The following ZNF253 variants were observed in gnomAD, a reference collection of about 807,000 sequenced individuals.
ZNF253 encodes DNA-binding protein.
ZNF253 carries 8 observed loss-of-function variants against 11.9 expected under a neutral mutation model. That is an observed-to-expected ratio of 0.67 (90% CI 0.40 to 1.22). The LOEUF (loss-of-function observed/expected upper bound fraction) is 1.22. Ranked by LOEUF, ZNF253 falls within the 50% of genes most tolerant of loss-of-function variation. ZNF253 has a pLI of 0.01. For synonymous variants in ZNF253, 194 were observed against 194.9 expected (o/e 1.00, Z 0.04); for missense variants, 485 against 586.9 (o/e 0.83, Z 1.79).
Position 19,892,498 on chromosome 19 carries a change from T to G in ZNF253, c.1251T>G (p.Thr417=), listed in dbSNP as rs1159095528. ...WPSILSKHKR[T]HTGEKPYKCE... Reference sequence around the variant, plus strand: ...CAATCCTCTCCAAACATAAAAGAACTCATACTGGAGAGAAACCCTACAAAT... The same window carrying G: ...CAATCCTCTCCAAACATAAAAGAACGCATACTGGAGAGAAACCCTACAAAT... The change falls in exon 4 of 4, where the codon ACT becomes ACG. Residue 417 remains threonine, a synonymous_variant. Transcript: ENST00000589717. The G allele has an allele frequency of 6.2e-7, 1 of 1,613,612 alleles. No individual in the cohort carries two copies. The highest frequency in any genetic ancestry group is 1.3e-5 in the African/African-American group (1 of 74,796).
intron 3 of ZNF253, among the ~76,000 whole-genome samples, chr19:19,888,057 A>T (rs751680648): frequency 6.6e-6 from 1 of 151,858 alleles, no homozygotes; most frequent in African/African-American, 2.4e-5. Flanking sequence ...TACTAATGTT[A>T]TCTATTTATT....
chr19:19,880,003 A>G, intron 2 of ZNF253, 48 bp from the exon 3 acceptor site: 1 of 1,368,922 alleles, frequency 7.3e-7, no homozygotes, highest in Non-Finnish European at 1.0e-6. Context: ...CTAGCTTGTA[A>G]TGGGAGTATA....
intron 3 of ZNF253, among the ~76,000 whole-genome samples, chr19:19,880,846 C>A (rs996755079): frequency 3.3e-5 from 5 of 150,218 alleles, no homozygotes; most frequent in African/African-American, 1.2e-4. Context: ...GTCTGAAATG[C>A]GTGAGAGTAT....
intron 1 of ZNF253, among the ~76,000 whole-genome samples, chr19:19,868,419 A>G (rs1189353379): frequency 6.6e-6 from 1 of 152,158 alleles, no homozygotes; most frequent in Non-Finnish European, 1.5e-5. Flanking sequence ...AGTGCTAGCT[A>G]GTTATTCCAG....
chr19:19,881,541 C>T (rs947557590), intron 3 of ZNF253, among the ~76,000 whole-genome samples: 1 of 151,180 alleles, frequency 6.6e-6, no homozygotes, highest in African/African-American at 2.4e-5. Flanking sequence ...CCCAGCAACT[C>T]GTTAGGCTGA....
chr19:19,888,774 G>A (rs2063216813), intron 3 of ZNF253, among the ~76,000 whole-genome samples: 1 of 152,088 alleles, frequency 6.6e-6, no homozygotes, highest in African/African-American at 2.4e-5. Context: ...CTATTTTTGT[G>A]TATGTGCATA....
intron 1 of ZNF253, among the ~76,000 whole-genome samples, chr19:19,877,544 T>G (rs1183967853): frequency 6.6e-6 from 1 of 152,120 alleles, no homozygotes; most frequent in Non-Finnish European, 1.5e-5. Flanking sequence ...CCCAGCTAAT[T>G]TTGTATTATC....
chr19:19,881,652 A>G (rs1055279141), intron 3 of ZNF253, among the ~76,000 whole-genome samples: 5 of 150,594 alleles, frequency 3.3e-5, no homozygotes, highest in Non-Finnish European at 5.9e-5. Flanking sequence ...CCTACTCAAA[A>G]AAAAAAAAAA....
intron 3 of ZNF253, among the ~76,000 whole-genome samples, chr19:19,886,072 A>T (rs951505568): frequency 2.0e-5 from 3 of 152,226 alleles, no homozygotes; most frequent in Non-Finnish European, 4.4e-5. Context: ...GGCTCACTGT[A>T]GCCTCAGTCT....
chr19:19,878,376 C>T, intron 1 of ZNF253, 105 bp from the exon 2 acceptor site: 1 of 1,580,920 alleles, frequency 6.3e-7, no homozygotes, highest in Non-Finnish European at 8.6e-7. Flanking sequence ...TTAGGCAGTC[C>T]TTTGAGTCAG....
Position 19,891,718 on chromosome 19 carries a change from A to C in ZNF253, c.471A>C (p.Ser157=). 6.2e-7 allele frequency: 1 copy of C among 1,614,148 alleles called. No homozygotes were observed. The highest frequency in any genetic ancestry group is 8.5e-7 in the Non-Finnish European group (1 of 1,179,996). The change falls in exon 4 of 4, where the codon TCA becomes TCC. Residue 157 remains serine (S), a synonymous_variant. Transcript: ENST00000589717. ...ATGGAAAAGTCTTTCATAAGTTTTC[A>C]AATTCAAACACATATAAGACAAGAC... is the stretch of plus-strand genomic sequence containing the variant. ...DKYGKVFHKF[S]NSNTYKTRHT... is the part of the protein sequence containing the mutation.
intron 3 of ZNF253, among the ~76,000 whole-genome samples, chr19:19,885,030 T>C (rs954676706): frequency 1.3e-5 from 2 of 152,194 alleles, no homozygotes; most frequent in Non-Finnish European, 2.9e-5. Flanking sequence ...TTAACTCTTT[T>C]AACAAGTAAT....
intron 3 of ZNF253, 37 bp downstream of exon 3, chr19:19,880,183 A>T: frequency 6.8e-7 from 1 of 1,475,532 alleles, no homozygotes; most frequent in South Asian, 1.2e-5. Flanking sequence ...CAGATGACAC[A>T]GATAAAAGGT....
chr19:19,891,900 A>G lies in ZNF253; in HGVS notation c.653A>G (p.His218Arg), dbSNP rs377661053. Residue 218 changes from histidine to arginine, a missense_variant, in exon 4 of 4, where the codon CAT becomes CGT. Around this residue, in one of 3 missense-constraint regions of ZNF253, gnomAD observed 218 missense variants for 213.1 expected, o/e 1.02. Transcript: ENST00000589717. Reference protein sequence around the residue: ...AFNQSANLTTHKRIHTGEKPY... With the variant: ...AFNQSANLTTRKRIHTGEKPY... ...AACCAATCTGCAAACCTTACTACAC[A>G]TAAGAGAATTCATACCGGAGAGAAA... The G allele has an allele frequency of 1.2e-6, 2 of 1,614,038 alleles. No homozygotes were observed. The highest frequency in any genetic ancestry group is 1.7e-6 in the Non-Finnish European group (2 of 1,180,004).
chr19:19,890,832 A>ATTT lies in ZNF253; in HGVS notation c.227-617_227-615dup, dbSNP rs770757608. Among the ~76,000 whole-genome samples, 49 of 76,848 alleles carry ATTT rather than the reference A, an allele frequency of 6.4e-4. 1 individual carries two copies. Among genetic ancestry groups the ATTT allele is most frequent in the Non-Finnish European group, 7.3e-4 (32 of 44,072 alleles). The allele number at this position is 76,848 out of a possible 152,430, so 50.4% of individuals were successfully genotyped here. On this transcript the variant is annotated intron_variant, in intron 3 of 3. Transcript: ENST00000589717. The stretch of plus-strand genomic sequence containing the variant: ...GCCATCATGCCTGGCCAACAATTTA[A>ATTT]TTTTTTTTTTTTTTTTTTTTTTTTT...
chr19:19,866,371 C>T (rs113050864), intron 1 of ZNF253, among the ~76,000 whole-genome samples: 14 of 152,142 alleles, frequency 9.2e-5, no homozygotes, highest in African/African-American at 3.1e-4. Flanking sequence ...CGCTTGGTGC[C>T]GCAAAACAAC....
chr19:19,877,913 CTCTTA>C (rs2063162045), intron 1 of ZNF253, among the ~76,000 whole-genome samples: 2 of 152,034 alleles, frequency 1.3e-5, no homozygotes, highest in African/African-American at 4.8e-5. Flanking sequence ...AAAATGAAGG[CTCTTA>C]TCTTTGTTTA....
intron 3 of ZNF253, among the ~76,000 whole-genome samples, chr19:19,883,004 A>G (rs971240346): frequency 1.3e-5 from 2 of 151,782 alleles, no homozygotes; most frequent in African/African-American, 4.8e-5. Context: ...ATGCATGTTT[A>G]TTACAATCAG....
chr19:19,892,355 T>G lies in ZNF253; in HGVS notation c.1108T>G (p.Cys370Gly), dbSNP rs1479668368. 1 of 1,613,972 alleles carries G rather than the reference T, an allele frequency of 6.2e-7. No homozygotes were observed. Among genetic ancestry groups the G allele is most frequent in the Non-Finnish European group, 8.5e-7 (1 of 1,179,984 alleles). ...ILHTGEKPYR[C>G]RECGKAFNHS... ...TCATACTGGAGAGAAACCCTACAGA[T>G]GTAGAGAATGTGGCAAAGCTTTTAA... Residue 370 changes from cysteine (C) to glycine (G), a missense_variant, in exon 4 of 4, where the codon TGT (cysteine) becomes GGT (glycine). This residue lies in a region of ZNF253 where 232 missense variants were observed against 321.4 expected (regional missense o/e 0.72). Coordinates refer to ENST00000589717, the MANE Select transcript of ZNF253 (RefSeq NM_021047.3).
Sources: allele counts gnomAD v4.1 joint callset (sites outside exome capture counted in the v4.1 genomes callset), GRCh38; gene constraint gnomAD v4.1.1; regional missense constraint gnomAD v4.1.1; transcripts MANE v1.5; gene names NCBI Gene and HGNC (gene_info 2026-07-23, HGNC 2026-07-21).